VPS39: variants seen among roughly 807,000 people sequenced by gnomAD.
VPS39 encodes the protein VPS39 subunit of HOPS complex, also known as vam6/Vps39-like protein.
A neutral mutation model predicts 121.0 loss-of-function variants in VPS39; 70 were observed. The observed-to-expected ratio is 0.58, with a 90% CI of 0.48 to 0.71. The LOEUF (loss-of-function observed/expected upper bound fraction) is 0.71, where lower values mean the gene tolerates loss of function less well. Among genes scored for constraint, VPS39 ranks in the 30% least tolerant of loss-of-function variants. VPS39 has a pLI of 0.00. For synonymous variants in VPS39, 378 were observed against 398.1 expected, an observed-to-expected ratio of 0.95 and a Z score of 0.60; for missense variants, 818 against 1,051.5, an observed-to-expected ratio of 0.78 and a Z score of 3.07.
chr15:42,193,278 T>C (rs1342353105), intron 2 of VPS39, among the ~76,000 whole-genome samples: 1 of 152,240 alleles, frequency 6.6e-6, no homozygotes, highest in African/African-American at 2.4e-5. Flanking sequence ...AATAACCCCA[T>C]AAGTAAGAAC....
chr15:42,162,492 G>A lies in VPS39; in HGVS notation c.2176-11C>T, dbSNP rs370493312. 5.1e-5 allele frequency: 81 copies of A among 1,587,874 alleles called. No individual in the cohort carries two copies. Among genetic ancestry groups the A allele is most frequent in the Non-Finnish European group, 6.9e-5 (80 of 1,162,698 alleles). On this transcript the variant is annotated splice_polypyrimidine_tract_variant and intron_variant, in intron 21 of 24. Coordinates refer to ENST00000318006, the MANE Select transcript of VPS39 (RefSeq NM_015289.5). ...CAGGGACAGATACACCTGTCTCAGA[G>A]AGACATGAGCTACGTCAGGCTGGCA...
Position 42,165,735 on chromosome 15 carries a change from G to T in VPS39, c.1762C>A (p.Leu588Met). The T allele has an allele frequency of 6.2e-7, 1 of 1,614,076 alleles. No homozygotes were observed. Among genetic ancestry groups the T allele is most frequent in the South Asian group, 1.1e-5 (1 of 91,080 alleles). ...TACCTTACCAGATAAGGAATAGCCA[G>T]ACCCTTAAAATTCTCTATTAAGAAG... ...LGFLIENFKGLAIPYLEHIIH... is the reference protein window; with the variant it reads ...LGFLIENFKGMAIPYLEHIIH... Residue 588 changes from leucine to methionine, a missense_variant, in exon 17 of 25, where the codon CTG becomes ATG. Transcript: ENST00000318006.
chr15:42,182,556 G>C (rs1330805233), intron 8 of VPS39, among the ~76,000 whole-genome samples: 1 of 152,192 alleles, frequency 6.6e-6, no homozygotes, highest in African/African-American at 2.4e-5. Flanking sequence ...TGATGTTTCA[G>C]GCACTGTACT....
At chr15:42,194,480 A>G (rs548295909) in intron 2 of VPS39, among the ~76,000 whole-genome samples, 1 of 152,314 alleles carries the variant, frequency 6.6e-6, no homozygotes, top group South Asian at 2.1e-4. Flanking sequence ...GTCTCAAAAA[A>G]AAGAAAAGAA....
intron 21 of VPS39, 87 bp from the exon 22 acceptor site, chr15:42,162,568 C>T (rs2049153127): frequency 2.1e-6 from 3 of 1,435,708 alleles, no homozygotes; most frequent in Admixed American, 2.6e-5. Context: ...ATTCGAGGGG[C>T]TCGCCTACAG....
At chr15:42,196,414 T>C (rs2049939155) in intron 2 of VPS39, among the ~76,000 whole-genome samples, 1 of 152,136 alleles carries the variant, frequency 6.6e-6, no homozygotes, top group African/African-American at 2.4e-5. Context: ...ATTTTTGCAA[T>C]CTACTCATCT....
chr15:42,166,295 C>T, intron 15 of VPS39, 63 bp from the exon 16 acceptor site: 6 of 1,504,406 alleles, frequency 4.0e-6, no homozygotes, highest in Non-Finnish European at 4.6e-6. Flanking sequence ...ACTGGGAAGG[C>T]AGGTGGGCAG....
rs199834730 is a variant in VPS39 at position 42,187,717 on chromosome 15, C to T, written c.441+41G>A. ...CTTCACTAGAACCGAGCCACTGCAG[C>T]AGCTCCCACCCAACCATGGACCAAG... is the stretch of plus-strand genomic sequence containing the variant. On this transcript the variant is annotated intron_variant, in intron 6 of 24. Coordinates refer to ENST00000318006, the MANE Select transcript of VPS39 (RefSeq NM_015289.5). The T allele has an allele frequency of 9.9e-5, 156 of 1,579,794 alleles. 1 individual carries two copies. The African/African-American group carries it at 1.7e-3, about 17-fold the overall frequency.
At chr15:42,173,542 G>A (rs1282535331) in intron 11 of VPS39, 181 bp downstream of exon 11, 3 of 647,606 alleles carry the variant, frequency 4.6e-6, no homozygotes, top group Non-Finnish European at 4.9e-6. Context: ...CAGATTCATA[G>A]GATTAGGAGT....
chr15:42,186,417 G>C (rs956345261), intron 7 of VPS39, among the ~76,000 whole-genome samples: 8 of 152,110 alleles, frequency 5.3e-5, no homozygotes, highest in African/African-American at 1.7e-4. Context: ...CTCCCGCCTG[G>C]GTGACAGAGG....
At chr15:42,191,099 G>A (rs1456773930) in intron 4 of VPS39, 26 bp downstream of exon 4, 6 of 1,612,038 alleles carry the variant, frequency 3.7e-6, no homozygotes, top group Non-Finnish European at 5.1e-6. Context: ...TTAGACACAG[G>A]ATACAAATGC....
intron 14 of VPS39, 53 bp from the exon 15 acceptor site, chr15:42,166,702 T>TG (rs2049249846): frequency 6.2e-7 from 1 of 1,613,832 alleles, no homozygotes; most frequent in African/African-American, 1.3e-5. Flanking sequence ...ACGGGAGATT[T>TG]CCATATCTCA....
At position 42,208,278 on chromosome 15, in the gene VPS39, T is replaced by C. The variant is rs374925577; in HGVS notation, c.-125A>G. The C allele has an allele frequency of 3.6e-4, 462 of 1,270,574 alleles. 7 individuals carry two copies. In the South Asian group the frequency reaches 5.7e-3, roughly 16 times the overall value. 78.7% of individuals were successfully genotyped at this position (1,270,574 alleles called of 1,614,324 possible). On this transcript the variant is annotated 5_prime_UTR_variant, in exon 1 of 25. Coordinates refer to ENST00000318006, the MANE Select transcript of VPS39 (RefSeq NM_015289.5). The stretch of plus-strand genomic sequence containing the variant: ...CCAGGAACCCCCCGGCTACAGGCCC[T>C]TCAACAACACAGCCATCGTCAACCC...
rs561427855 is a variant in VPS39 at position 42,194,304 on chromosome 15, T to C, written c.140-2744A>G. ...GACTGGCCAATATGGTGAAATCCTG[T>C]CTCTACTGAAAATACAAAAATTAGC... On this transcript the variant is annotated intron_variant, in intron 2 of 24. Coordinates refer to ENST00000318006, the MANE Select transcript of VPS39 (RefSeq NM_015289.5). 2.6e-5 allele frequency among the ~76,000 whole-genome samples: 4 copies of C among 151,902 alleles called. No individual in the cohort carries two copies. The East Asian group carries it at 7.8e-4, about 29-fold the overall frequency.
At chr15:42,173,634 T>G in intron 11 of VPS39, 89 bp downstream of exon 11, 3 of 1,522,008 alleles carry the variant, frequency 2.0e-6, no homozygotes, top group South Asian at 1.3e-5. Context: ...ACCTTCTCCA[T>G]TCTCAGAAGT....
intron 23 of VPS39, 72 bp downstream of exon 23, chr15:42,161,960 A>G (rs1214741954): frequency 1.2e-6 from 2 of 1,604,786 alleles, no homozygotes; most frequent in Non-Finnish European, 1.7e-6. Flanking sequence ...CTTGGTCAGA[A>G]GGGAACATGT....
At chr15:42,189,075 T>C in intron 5 of VPS39, 39 bp downstream of exon 5, 1 of 1,481,970 alleles carries the variant, frequency 6.7e-7, no homozygotes. Context: ...ACTGTATTGA[T>C]TAAAGCATAA....
At chr15:42,167,338 T>C (rs2049263942) in intron 13 of VPS39, 56 bp downstream of exon 13, 9 of 1,601,308 alleles carry the variant, frequency 5.6e-6, no homozygotes, top group Non-Finnish European at 7.7e-6. Flanking sequence ...CCTTTTACTT[T>C]CCCAGACTGT....
intron 17 of VPS39, 66 bp downstream of exon 17, chr15:42,165,652 A>T (rs2049227074): frequency 1.5e-6 from 2 of 1,321,754 alleles, no homozygotes; most frequent in Non-Finnish European, 2.2e-6. Context: ...ACAGCCCGAT[A>T]ACAGAACCAC....
Sources: gnomAD v4.1 joint callset for allele counts (sites outside exome capture counted in the v4.1 genomes callset) on GRCh38, gnomAD v4.1.1 for gene constraint, MANE v1.5 for transcripts, NCBI Gene and HGNC (gene_info 2026-07-23, HGNC 2026-07-21) for gene names.